DTNB: variants seen among roughly 807,000 people sequenced by gnomAD.
DTNB encodes the protein DTN-B.
In DTNB, 63 loss-of-function variants were observed where a neutral mutation model predicts 90.7. The ratio of observed to expected loss-of-function variants is 0.69; its 90% CI spans 0.57 to 0.86. DTNB has a LOEUF of 0.86. Among genes scored for constraint, DTNB ranks in the 40% least tolerant of loss-of-function variants. The pLI is 0.00. For synonymous variants in DTNB, 277 were observed against 286.7 expected (o/e 0.97, Z 0.34); for missense variants, 744 against 807.1 (o/e 0.92, Z 0.95).
chr2:25,511,982 G>A (rs1322001153), intron 9 of DTNB, among the ~76,000 whole-genome samples: 1 of 152,122 alleles, frequency 6.6e-6, no homozygotes, highest in Non-Finnish European at 1.5e-5. Context: ...AACCAAGGAT[G>A]TAGATTATTC....
intron 12 of DTNB, among the ~76,000 whole-genome samples, chr2:25,446,141 A>G (rs187989721): frequency 3.3e-5 from 5 of 152,094 alleles, no homozygotes; most frequent in Admixed American, 2.6e-4. Context: ...TTGACAGTTC[A>G]TCTAGTTCCT....
chr2:25,558,686 T>C (rs2057759170), intron 8 of DTNB, among the ~76,000 whole-genome samples: 1 of 152,230 alleles, frequency 6.6e-6, no homozygotes, highest in South Asian at 2.1e-4. Flanking sequence ...AAACTTAGCA[T>C]TTTTGCAGCT....
chr2:25,618,444 C>T (rs1341693237), intron 4 of DTNB, among the ~76,000 whole-genome samples: 1 of 152,190 alleles, frequency 6.6e-6, no homozygotes, highest in African/African-American at 2.4e-5. Context: ...CATGTCCTCA[C>T]CAATGTCCAT....
At chr2:25,417,032 A>C (rs1415926202) in intron 16 of DTNB, among the ~76,000 whole-genome samples, 1 of 152,240 alleles carries the variant, frequency 6.6e-6, no homozygotes, top group Non-Finnish European at 1.5e-5. Flanking sequence ...CTCAGAGCTG[A>C]ACTTACATGG....
intron 8 of DTNB, among the ~76,000 whole-genome samples, chr2:25,547,133 GCCA>G (rs2082599886): frequency 6.6e-6 from 1 of 152,026 alleles, no homozygotes; most frequent in South Asian, 2.1e-4. Flanking sequence ...ATAGCAATGA[GCCA>G]CCACACCTGG....
chr2:25,551,437 C>G (rs541567576), intron 8 of DTNB, among the ~76,000 whole-genome samples: 3 of 152,164 alleles, frequency 2.0e-5, no homozygotes, highest in Non-Finnish European at 4.4e-5. Flanking sequence ...CCAGGACTGA[C>G]CACTTGCAAT....
At chr2:25,539,578 T>C (rs893504593) in intron 8 of DTNB, among the ~76,000 whole-genome samples, 25 of 97,974 alleles carry the variant, frequency 2.6e-4, no homozygotes, top group African/African-American at 9.1e-4. Context: ...CTGGATTGCC[T>C]TTTTTTTTTT....
chr2:25,559,413 T>A (rs1239547599), intron 8 of DTNB, among the ~76,000 whole-genome samples: 8 of 152,142 alleles, frequency 5.3e-5, no homozygotes, highest in Admixed American at 5.2e-4. Context: ...CAACTAGACC[T>A]CCAGGTGGAG....
intron 8 of DTNB, among the ~76,000 whole-genome samples, chr2:25,546,473 CTTTGT>C (rs2082434743): frequency 6.6e-6 from 1 of 152,174 alleles, no homozygotes; most frequent in Admixed American, 6.5e-5. Flanking sequence ...TCTAGCCCCT[CTTTGT>C]TTTAAGGAGG....
intron 9 of DTNB, among the ~76,000 whole-genome samples, chr2:25,522,238 T>C (rs956120116): frequency 6.6e-6 from 1 of 152,226 alleles, no homozygotes; most frequent in African/African-American, 2.4e-5. Flanking sequence ...TGAAAAACCT[T>C]GTTTACTCAA....
chr2:25,384,890 T>C (rs1240214976), intron 18 of DTNB, among the ~76,000 whole-genome samples: 2 of 152,054 alleles, frequency 1.3e-5, no homozygotes, highest in East Asian at 3.8e-4. Flanking sequence ...TTTTCTTTTT[T>C]TTTTTTTGAG....
intron 8 of DTNB, among the ~76,000 whole-genome samples, chr2:25,575,243 C>CACA (rs1553549718): frequency 1.2e-4 from 17 of 139,842 alleles, no homozygotes; most frequent in African/African-American, 4.4e-4. Context: ...CACACACACA[C>CACA]AAAAAAAAAA....
intron 9 of DTNB, among the ~76,000 whole-genome samples, chr2:25,486,506 T>G (rs549110107): frequency 6.6e-5 from 10 of 151,748 alleles, no homozygotes; most frequent in Non-Finnish European, 1.2e-4. Context: ...TGGTTGCACG[T>G]GCTGTAGTCC....
intron 15 of DTNB, among the ~76,000 whole-genome samples, chr2:25,422,697 C>G (rs934327199): frequency 1.3e-5 from 2 of 151,990 alleles, no homozygotes; most frequent in African/African-American, 4.8e-5. Context: ...CACGCCTGGC[C>G]TGGTAAAATG....
At chr2:25,577,334 G>A (rs150043827) in intron 7 of DTNB, among the ~76,000 whole-genome samples, 115 of 152,238 alleles carry the variant, frequency 7.6e-4, no homozygotes, top group African/African-American at 2.6e-3. Flanking sequence ...TTACTCAGGA[G>A]GCTGAGGCAC....
At chr2:25,607,460 A>AT (rs796410941) in intron 4 of DTNB, 139 bp from the exon 5 acceptor site, 24,808 of 599,522 alleles carry the variant, frequency 0.041, 17 homozygotes, top group East Asian at 0.053. Flanking sequence ...GAAACCCTGG[A>AT]TTTTTTTTTT....
At chr2:25,595,166 T>C (rs915938812) in intron 6 of DTNB, 2 of 152,210 alleles carry the variant, frequency 1.3e-5, no homozygotes, top group Non-Finnish European at 2.9e-5. Flanking sequence ...GGAGAAGTGA[T>C]ATTGAGTACT....
At chr2:25,466,369 G>A (rs909355130) in intron 10 of DTNB, among the ~76,000 whole-genome samples, 6 of 152,252 alleles carry the variant, frequency 3.9e-5, no homozygotes, top group Admixed American at 2.0e-4. Context: ...GTACTTAAGT[G>A]TAAAGAGTTA....
At chr2:25,630,810 C>CT (rs750576354) in intron 3 of DTNB, among the ~76,000 whole-genome samples, 29 of 138,016 alleles carry the variant, frequency 2.1e-4, no homozygotes, top group Non-Finnish European at 3.5e-4. Context: ...CACCACTGCA[C>CT]TCCAGCCTGG....
Sources: allele counts gnomAD v4.1 joint callset (sites outside exome capture counted in the v4.1 genomes callset), GRCh38; gene constraint gnomAD v4.1.1; transcripts MANE v1.5; gene names NCBI Gene and HGNC (gene_info 2026-07-23, HGNC 2026-07-21).